CCSER1: variants seen among roughly 807,000 people sequenced by gnomAD.
The protein encoded by CCSER1 is coiled-coil serine rich protein 1, also known as serine-rich coiled-coil domain-containing protein 1.
In CCSER1, 41 loss-of-function variants were observed where a neutral mutation model predicts 82.0. The ratio of observed to expected loss-of-function variants is 0.50; its 90% confidence interval spans 0.39 to 0.65. CCSER1 has a LOEUF of 0.65. Ranked by LOEUF, CCSER1 falls within the 30% of genes least tolerant of loss-of-function variation. The pLI, the probability that CCSER1 is intolerant of heterozygous loss-of-function variation, is 0.00. For missense variants in CCSER1, 1,119 were observed against 1,064.2 expected (o/e 1.05, Z -0.72); for synonymous variants, 414 against 383.9 (o/e 1.08, Z -0.92).
At chr4:91,019,960 G>A (rs993531875) in intron 9 of CCSER1, among the ~76,000 whole-genome samples, 12 of 152,066 alleles carry the variant, frequency 7.9e-5, no homozygotes, top group African/African-American at 2.2e-4. Flanking sequence ...AAGAAAGAAC[G>A]TATATACTTT....
At chr4:90,355,454 C>T (rs1179278559) in intron 3 of CCSER1, among the ~76,000 whole-genome samples, 3 of 151,804 alleles carry the variant, frequency 2.0e-5, no homozygotes, top group Non-Finnish European at 2.9e-5. Flanking sequence ...TTTTTGTAAT[C>T]CTATAAAGGC....
At chr4:90,582,443 TA>T (rs1465467740) in intron 5 of CCSER1, among the ~76,000 whole-genome samples, 1 of 152,216 alleles carries the variant, frequency 6.6e-6, no homozygotes, top group Non-Finnish European at 1.5e-5. Context: ...ACTTTAGTGT[TA>T]AAACATGGGT....
At chr4:90,315,621 A>G (rs1265033905) in intron 3 of CCSER1, among the ~76,000 whole-genome samples, 3 of 151,954 alleles carry the variant, frequency 2.0e-5, no homozygotes, top group Admixed American at 1.3e-4. Flanking sequence ...CTTGTGCCTC[A>G]GCCTCCCGAG....
chr4:91,589,690 A>G (rs1307163595), intron 10 of CCSER1, among the ~76,000 whole-genome samples: 1 of 151,724 alleles, frequency 6.6e-6, no homozygotes, highest in Non-Finnish European at 1.5e-5. Flanking sequence ...ATATAAATTT[A>G]ACTTAAATCT....
intron 10 of CCSER1, among the ~76,000 whole-genome samples, chr4:91,327,277 G>A (rs1304903660): frequency 6.6e-6 from 1 of 152,204 alleles, no homozygotes; most frequent in Admixed American, 6.5e-5. Flanking sequence ...GTAGGTGGAG[G>A]CTCCCACTCC....
At chr4:90,860,904 T>C (rs990336376) in intron 8 of CCSER1, among the ~76,000 whole-genome samples, 2 of 151,390 alleles carry the variant, frequency 1.3e-5, no homozygotes, top group Non-Finnish European at 3.0e-5. Context: ...AGTATTTTTT[T>C]AAGGTGAGGA....
intron 9 of CCSER1, among the ~76,000 whole-genome samples, chr4:90,975,827 A>AT (rs1007233134): frequency 5.3e-5 from 8 of 151,270 alleles, no homozygotes; most frequent in Middle Eastern, 3.4e-3. Context: ...AAAGTAACCC[A>AT]TTTTTTCTAA....
intron 8 of CCSER1, among the ~76,000 whole-genome samples, chr4:90,839,746 G>A (rs1015574431): frequency 6.6e-6 from 1 of 152,188 alleles, no homozygotes; most frequent in Non-Finnish European, 1.5e-5. Flanking sequence ...AAGTAAAGGT[G>A]CAGAAGATAG....
At chr4:90,181,504 A>G (rs2153385884) in intron 1 of CCSER1, among the ~76,000 whole-genome samples, 1 of 152,252 alleles carries the variant, frequency 6.6e-6, no homozygotes, top group Non-Finnish European at 1.5e-5. Context: ...TCAAGAGAGG[A>G]CAATGGAAGG....
intron 5 of CCSER1, among the ~76,000 whole-genome samples, chr4:90,519,439 C>A (rs189549813): frequency 9.9e-4 from 150 of 151,894 alleles, no homozygotes; most frequent in Admixed American, 1.2e-3. Flanking sequence ...TGAAACTCGG[C>A]ATTTGTTATG....
chr4:91,341,414 A>G (rs1354062293), intron 10 of CCSER1, among the ~76,000 whole-genome samples: 1 of 152,256 alleles, frequency 6.6e-6, no homozygotes, highest in African/African-American at 2.4e-5. Flanking sequence ...GTTTCAGAAT[A>G]TAACTAACTA....
At chr4:90,893,885 G>A (rs62312270) in intron 8 of CCSER1, among the ~76,000 whole-genome samples, 7,688 of 151,548 alleles carry the variant, frequency 0.051, 263 homozygotes, top group Admixed American at 0.095. Context: ...CTCATTTCCC[G>A]TGTTAAATTA....
At chr4:90,825,788 G>A (rs1448490150) in intron 8 of CCSER1, among the ~76,000 whole-genome samples, 1 of 149,618 alleles carries the variant, frequency 6.7e-6, no homozygotes, top group Non-Finnish European at 1.5e-5. Context: ...GGAGTGTAGG[G>A]GTGCAATCTC....
At chr4:91,450,136 G>A (rs1401193106) in intron 10 of CCSER1, among the ~76,000 whole-genome samples, 3 of 151,984 alleles carry the variant, frequency 2.0e-5, no homozygotes, top group Non-Finnish European at 2.9e-5. Context: ...TACAGGATGG[G>A]TCGTCATGCT....
intron 8 of CCSER1, among the ~76,000 whole-genome samples, chr4:90,835,028 G>A (rs62311113): frequency 1.3e-5 from 2 of 151,918 alleles, no homozygotes; most frequent in Non-Finnish European, 2.9e-5. Context: ...ATTTATTCTT[G>A]GGCTTTTAAT....
intron 9 of CCSER1, chr4:90,938,933 G>T: frequency 6.3e-6 from 1 of 158,500 alleles, no homozygotes; most frequent in Non-Finnish European, 1.4e-5. Context: ...ACATATTTCT[G>T]CTTTATTCTC....
At chr4:90,500,163 A>G (rs776569622) in intron 5 of CCSER1, among the ~76,000 whole-genome samples, 1 of 151,962 alleles carries the variant, frequency 6.6e-6, no homozygotes, top group Admixed American at 6.6e-5. Context: ...CATCATCTCT[A>G]TGAGTTCATC....
intron 9 of CCSER1, among the ~76,000 whole-genome samples, chr4:90,929,396 G>A (rs994758702): frequency 2.8e-4 from 42 of 151,994 alleles, no homozygotes; most frequent in African/African-American, 9.2e-4. Context: ...AAATTACTGC[G>A]TTATGCCTTT....
intron 10 of CCSER1, among the ~76,000 whole-genome samples, chr4:91,401,534 T>G (rs745428248): frequency 6.6e-6 from 1 of 151,862 alleles, no homozygotes; most frequent in Non-Finnish European, 1.5e-5. Flanking sequence ...ATCTCCTAAT[T>G]CTATTCGTCC....
Sources: allele counts gnomAD v4.1 joint callset (sites outside exome capture counted in the v4.1 genomes callset), GRCh38; gene constraint gnomAD v4.1.1; transcripts MANE v1.5; gene names NCBI Gene and HGNC (gene_info 2026-07-23, HGNC 2026-07-21).